The following USP12 variants were observed in gnomAD, a reference collection of about 807,000 sequenced individuals.
USP12 encodes ubiquitin carboxyl-terminal hydrolase 12.
USP12 carries 19 observed loss-of-function variants against 45.5 expected under a neutral mutation model. That is an observed-to-expected ratio of 0.42 (90% CI 0.29 to 0.61). The LOEUF (loss-of-function observed/expected upper bound fraction) is 0.61. Ranked by LOEUF, USP12 falls within the 20% of genes least tolerant of loss-of-function variation. The pLI is 0.22. For missense variants in USP12, 242 were observed against 447.7 expected (o/e 0.54, Z 4.15); for synonymous variants, 149 against 148.8 (o/e 1.00, Z -0.01).
chr13:27,151,224 G>T (rs961109175), intron 1 of USP12, among the ~76,000 whole-genome samples: 1 of 151,964 alleles, frequency 6.6e-6, no homozygotes, highest in Non-Finnish European at 1.5e-5. Context: ...CCAGCTACTC[G>T]GGAGTCTGAG....
chr13:27,109,524 A>T (rs1432640499), intron 2 of USP12, among the ~76,000 whole-genome samples: 1 of 151,988 alleles, frequency 6.6e-6, no homozygotes, highest in East Asian at 1.9e-4. Flanking sequence ...CAAATTGATG[A>T]CTTGAAAAAA....
intron 1 of USP12, among the ~76,000 whole-genome samples, chr13:27,136,583 T>C (rs1219937228): frequency 6.6e-6 from 1 of 152,198 alleles, no homozygotes; most frequent in Non-Finnish European, 1.5e-5. Context: ...AATAGATAGG[T>C]AATTATCCTA....
intron 6 of USP12, among the ~76,000 whole-genome samples, chr13:27,085,452 A>G (rs1471043310): frequency 6.6e-6 from 1 of 152,138 alleles, no homozygotes; most frequent in Non-Finnish European, 1.5e-5. Flanking sequence ...AAGTGCTGGG[A>G]TTACAGGCGT....
chr13:27,167,828 G>A (rs1340379773), intron 1 of USP12, among the ~76,000 whole-genome samples: 1 of 152,052 alleles, frequency 6.6e-6, no homozygotes, highest in Non-Finnish European at 1.5e-5. Flanking sequence ...TGGGCTCTGA[G>A]GTTTGCCCCA....
At chr13:27,079,229 T>TGGGGGGGGGGGGGGGG (rs1215824218) in intron 6 of USP12, among the ~76,000 whole-genome samples, 2 of 46,000 alleles carry the variant, frequency 4.3e-5, no homozygotes, top group Non-Finnish European at 9.1e-5. Flanking sequence ...CGGGGGGGAG[T>TGGGGGGGGGGGGGGGG]GGGGGGAGAG....
chr13:27,087,324 G>A (rs1171098837), intron 6 of USP12, among the ~76,000 whole-genome samples: 1 of 152,002 alleles, frequency 6.6e-6, no homozygotes, highest in East Asian at 1.9e-4. Context: ...GGGCAGGAAG[G>A]CAGAGAGAAT....
chr13:27,134,840 G>A (rs1876723850), intron 1 of USP12, among the ~76,000 whole-genome samples: 1 of 152,038 alleles, frequency 6.6e-6, no homozygotes, highest in South Asian at 2.1e-4. Flanking sequence ...TATAGAAATG[G>A]AAATGCTATC....
intron 1 of USP12, among the ~76,000 whole-genome samples, chr13:27,119,955 T>A (rs1875909302): frequency 6.6e-6 from 1 of 152,240 alleles, no homozygotes; most frequent in African/African-American, 2.4e-5. Flanking sequence ...ACAGAAATGA[T>A]CAGGGTACAC....
At chr13:27,165,288 T>C (rs1404040693) in intron 1 of USP12, among the ~76,000 whole-genome samples, 3 of 152,316 alleles carry the variant, frequency 2.0e-5, no homozygotes, top group South Asian at 4.1e-4. Context: ...TCAGCTTTCA[T>C]ATTATGAATT....
intron 1 of USP12, among the ~76,000 whole-genome samples, 194 bp from the exon 2 acceptor site, chr13:27,116,790 A>G (rs542823445): frequency 3.3e-5 from 5 of 152,230 alleles, no homozygotes; most frequent in African/African-American, 1.2e-4. Context: ...TCAGATGCAC[A>G]CTTATTCCTG....
intron 3 of USP12, among the ~76,000 whole-genome samples, chr13:27,097,959 A>G (rs1465140951): frequency 2.0e-5 from 3 of 149,600 alleles, no homozygotes; most frequent in Admixed American, 6.7e-5. Context: ...TACACCTTAT[A>G]GCCTGGAGGT....
intron 2 of USP12, among the ~76,000 whole-genome samples, chr13:27,115,467 T>C (rs1270124124): frequency 1.3e-5 from 2 of 152,206 alleles, no homozygotes; most frequent in Admixed American, 6.5e-5. Context: ...ATATGTCCTA[T>C]GTAGGGACTA....
intron 1 of USP12, among the ~76,000 whole-genome samples, chr13:27,134,002 C>T (rs1876662986): frequency 6.6e-6 from 1 of 152,064 alleles, no homozygotes; most frequent in Non-Finnish European, 1.5e-5. Context: ...TGGGCATGCC[C>T]ATTAGGTGGT....
chr13:27,112,751 A>G (rs1875516697), intron 2 of USP12, among the ~76,000 whole-genome samples: 2 of 152,194 alleles, frequency 1.3e-5, no homozygotes, highest in Non-Finnish European at 2.9e-5. Flanking sequence ...ATACAACCAT[A>G]TCATATACAG....
intron 2 of USP12, among the ~76,000 whole-genome samples, chr13:27,115,248 TG>T (rs1451244945): frequency 3.9e-5 from 6 of 152,220 alleles, no homozygotes; most frequent in African/African-American, 1.4e-4. Flanking sequence ...ACTGAAATGC[TG>T]TTTTTTAAAT....
chr13:27,145,301 T>C (rs1249214011), intron 1 of USP12, among the ~76,000 whole-genome samples: 3 of 152,162 alleles, frequency 2.0e-5, no homozygotes, highest in Non-Finnish European at 2.9e-5. Context: ...AATCAACTTT[T>C]CTCCATAATG....
intron 1 of USP12, among the ~76,000 whole-genome samples, chr13:27,159,942 G>A (rs1878027571): frequency 6.6e-6 from 1 of 152,166 alleles, no homozygotes; most frequent in Non-Finnish European, 1.5e-5. Context: ...CTAACATCTG[G>A]GATGAAAATG....
chr13:27,155,818 G>C (rs1470859156), intron 1 of USP12, among the ~76,000 whole-genome samples: 1 of 152,110 alleles, frequency 6.6e-6, no homozygotes, highest in African/African-American at 2.4e-5. Context: ...ATGCGGAAAA[G>C]GTTCAACTTA....
At chr13:27,101,987 T>C (rs1268975281) in intron 3 of USP12, among the ~76,000 whole-genome samples, 4 of 150,382 alleles carry the variant, frequency 2.7e-5, no homozygotes, top group Non-Finnish European at 5.9e-5. Context: ...GCCTGCCACA[T>C]AATGAGATGT....
Sources: gnomAD v4.1 joint callset for allele counts (sites outside exome capture counted in the v4.1 genomes callset) on GRCh38, gnomAD v4.1.1 for gene constraint, MANE v1.5 for transcripts, NCBI Gene and HGNC (gene_info 2026-07-23, HGNC 2026-07-21) for gene names.